ZFYVE26: variants seen among roughly 807,000 people sequenced by gnomAD.
The protein encoded by ZFYVE26 is zinc finger FYVE domain-containing protein 26.
In ZFYVE26, 181 loss-of-function variants were observed where a neutral mutation model predicts 276.5. The observed-to-expected ratio is 0.65, with a 90% CI of 0.58 to 0.74. The LOEUF (loss-of-function observed/expected upper bound fraction) is 0.74, where lower values mean the gene tolerates loss of function less well. Among genes scored for constraint, ZFYVE26 ranks in the 30% least tolerant of loss-of-function variants. ZFYVE26 has a pLI of 0.00. For missense variants in ZFYVE26, 2,821 were observed against 3,097.9 expected (o/e 0.91, Z 2.12); for synonymous variants, 1,129 against 1,203.1 (o/e 0.94, Z 1.27).
chr14:67,788,791 C>T (rs2039729670), intron 16 of ZFYVE26, among the ~76,000 whole-genome samples: 1 of 152,198 alleles, frequency 6.6e-6, no homozygotes, highest in African/African-American at 2.4e-5. Context: ...CTTTCTCCTC[C>T]ACTGCTCAGT....
intron 8 of ZFYVE26, 69 bp downstream of exon 8, chr14:67,805,148 G>T: frequency 2.0e-6 from 3 of 1,476,898 alleles, no homozygotes; most frequent in Non-Finnish European, 2.8e-6. Context: ...CCTTGAAATG[G>T]CCACACATGC....
rs749901155 is a variant in ZFYVE26, at chr14:67,783,437, A to G, written c.3715T>C (p.Ser1239Pro). Reference sequence around the variant, plus strand: ...GAGGTCTGCTGGCTTTGCCGGGATGAGCAAAGAGCAAGGGGCTCACAGCAG... The same window carrying G: ...GAGGTCTGCTGGCTTTGCCGGGATGGGCAAAGAGCAAGGGGCTCACAGCAG... ...SCCCEPLALC[S>P]SRQSQQTSSL... The change falls in exon 21 of 42, where the codon TCA (serine) becomes CCA (proline). Residue 1239 changes from serine (S) to proline (P), a missense_variant. By Grantham distance (74) the Ser-to-Pro change is moderately conservative. Transcript: ENST00000347230. 1.2e-6 allele frequency: 2 copies of G among 1,614,098 alleles called. No homozygotes were observed. Among genetic ancestry groups the G allele is most frequent in the Non-Finnish European group, 1.7e-6 (2 of 1,180,026 alleles).
intron 21 of ZFYVE26, 129 bp from the exon 22 acceptor site, chr14:67,781,658 G>A: frequency 1.2e-6 from 1 of 825,324 alleles, no homozygotes; most frequent in East Asian, 2.6e-5. Flanking sequence ...CCTTAAGATG[G>A]ATGTGATCTT....
downstream of ZFYVE26, among the ~76,000 whole-genome samples, chr14:67,745,869 T>TA (rs1296619671): frequency 4.1e-4 from 30 of 72,558 alleles, 1 homozygote; most frequent in East Asian, 0.01. Context: ...CTACAAAAAA[T>TA]AAAAAAAAAT....
intron 2 of ZFYVE26, 99 bp from the exon 3 acceptor site, chr14:67,814,163 C>A: frequency 2.1e-6 from 2 of 953,076 alleles, no homozygotes; most frequent in South Asian, 1.4e-5. Context: ...CTGTTTTAAA[C>A]CTGAACAGGC....
chr14:67,753,670 A>C, intron 39 of ZFYVE26, 37 bp downstream of exon 39: 1 of 1,604,640 alleles, frequency 6.2e-7, no homozygotes, highest in African/African-American at 1.3e-5. Flanking sequence ...TCAGGTGCTG[A>C]TTGTCCTCAG....
chr14:67,761,848 C>T (rs2038938948), intron 34 of ZFYVE26: 1 of 568,072 alleles, frequency 1.8e-6, no homozygotes, highest in African/African-American at 1.9e-5. Context: ...AGGCAGGATA[C>T]ACAATTCTAC....
At chr14:67,729,420 C>T (rs1201422908) in exon 14 of ZFYVE26, 1 of 1,573,844 alleles carries the variant, frequency 6.4e-7, no homozygotes, top group South Asian at 1.1e-5. Flanking sequence ...CACCTGTGTG[C>T]ATGGGAGGTG....
chr14:67,816,324 G>GCC lies in ZFYVE26; in HGVS notation c.-84+209_-84+210insGG, dbSNP rs1388305489. Among the ~76,000 whole-genome samples, 444 of 152,254 alleles carry GCC rather than the reference G, an allele frequency of 2.9e-3. No homozygotes were observed. Among genetic ancestry groups the GCC allele is most frequent in the African/African-American group, 0.01 (423 of 41,536 alleles). ...CCTACTGAACGTTATGCCCAGTCTT[G>GCC]ACTCCAAATCCCCAGGTGGTCGCCT... On this transcript the variant is annotated intron_variant, in intron 1 of 41. Coordinates refer to ENST00000347230, the MANE Select transcript of ZFYVE26 (RefSeq NM_015346.4).
At chr14:67,739,651 C>G (rs896103381) in intron 13 of ZFYVE26, among the ~76,000 whole-genome samples, 2 of 152,098 alleles carry the variant, frequency 1.3e-5, no homozygotes, top group African/African-American at 4.8e-5. Context: ...TTCTCCACCC[C>G]CAAGTTCTGT....
intron 35 of ZFYVE26, among the ~76,000 whole-genome samples, chr14:67,756,883 C>T (rs779948134): frequency 1.3e-5 from 2 of 152,224 alleles, no homozygotes; most frequent in Non-Finnish European, 2.9e-5. Context: ...CTGAACATGG[C>T]CACTTGGAGA....
rs2039978974 is a variant in ZFYVE26, at chr14:67,797,521, AACTATTAAC to A, written c.2332+142_2332+150del. ...AAAATTTCTGAAAGGATACATAGGA[AACTATTAAC>A]AAGGGTTACCTTGAGGGAGTGGGAA... On this transcript the variant is annotated intron_variant, in intron 12 of 41. Coordinates refer to ENST00000347230, the MANE Select transcript of ZFYVE26 (RefSeq NM_015346.4). The A allele has an allele frequency of 1.1e-5, 9 of 830,164 alleles. No homozygotes were observed. The South Asian group carries it at 1.3e-4, about 12-fold the overall frequency. The allele number at this position is 830,164 out of a possible 1,614,324, so 51.4% of individuals were successfully genotyped here.
At chr14:67,802,449 A>G (rs1400601567) in intron 9 of ZFYVE26, among the ~76,000 whole-genome samples, 167 bp from the exon 10 acceptor site, 1 of 152,164 alleles carries the variant, frequency 6.6e-6, no homozygotes, top group Non-Finnish European at 1.5e-5. Context: ...CTTTTCCTCA[A>G]GTCAGTATCA....
chr14:67,769,463 T>C, intron 29 of ZFYVE26, 131 bp downstream of exon 29: 1 of 1,364,452 alleles, frequency 7.3e-7, no homozygotes, highest in Non-Finnish European at 1.0e-6. Flanking sequence ...GTAGAGTTAA[T>C]GGCATTTCAG....
intron 16 of ZFYVE26, among the ~76,000 whole-genome samples, chr14:67,787,163 G>C (rs2039680506): frequency 6.6e-6 from 1 of 152,010 alleles, no homozygotes. Flanking sequence ...TGGGTGGATG[G>C]TGAAACCCCT....
intron 20 of ZFYVE26, among the ~76,000 whole-genome samples, chr14:67,783,906 G>A (rs1463872075): frequency 3.9e-5 from 6 of 152,172 alleles, no homozygotes; most frequent in South Asian, 4.1e-4. Context: ...TAATAAAGCT[G>A]TAGGATAAAT....
In ZFYVE26 at chr14:67,777,628, G is replaced by A. The variant is rs1358698371; in HGVS notation, c.4905C>T (p.Thr1635=). The A allele has an allele frequency of 1.2e-6, 2 of 1,614,036 alleles. No individual in the cohort carries two copies. The highest frequency in any genetic ancestry group is 1.7e-6 in the Non-Finnish European group (2 of 1,180,042). ...CAGTCAGTTGTCCATAGAAGTGGGT[G>A]GTGAGGTAGTTGGCCAAGAAGTGAG... is the stretch of plus-strand genomic sequence containing the variant. ...ATSHFLANYL[T]THFYGQLTAV... is the part of the protein sequence containing the mutation. Residue 1635 remains threonine, a synonymous_variant, in exon 25 of 42, where the codon ACC becomes ACT. Coordinates refer to ENST00000347230, the MANE Select transcript of ZFYVE26 (RefSeq NM_015346.4).
chr14:67,782,650 T>C (rs1164434437), intron 21 of ZFYVE26, 130 bp downstream of exon 21: 2 of 1,464,074 alleles, frequency 1.4e-6, no homozygotes, highest in African/African-American at 2.8e-5. Context: ...AGACCTGGTC[T>C]CCTCTTAATA....
downstream of ZFYVE26, among the ~76,000 whole-genome samples, chr14:67,746,300 CAA>C (rs11404942): frequency 6.7e-6 from 1 of 149,410 alleles, no homozygotes; most frequent in Non-Finnish European, 1.5e-5. Flanking sequence ...CCAACTGAAG[CAA>C]AAAAAAAAGT....
Sources: gnomAD v4.1 joint callset for allele counts (sites outside exome capture counted in the v4.1 genomes callset) on GRCh38, gnomAD v4.1.1 for gene constraint, MANE v1.5 for transcripts, NCBI Gene and HGNC (gene_info 2026-07-23, HGNC 2026-07-21) for gene names.